The following GSE1 variants were observed in gnomAD, a reference collection of about 807,000 sequenced individuals.
GSE1 encodes Gse1 coiled-coil protein.
In GSE1, 32 loss-of-function variants were observed where a neutral mutation model predicts 112.6. That is an observed-to-expected ratio of 0.28 (90% CI 0.21 to 0.38). GSE1 has a LOEUF of 0.38. Among genes scored for constraint, GSE1 ranks in the 10% least tolerant of loss-of-function variants. The pLI, the probability that GSE1 is intolerant of heterozygous loss-of-function variation, is 1.00. For synonymous variants in GSE1, 1,115 were observed against 735.6 expected (o/e 1.52, Z -8.35); for missense variants, 2,348 against 1,699.2 (o/e 1.38, Z -6.71).
chr16:85,543,210 C>CAAA (rs527634392), intron 2 of GSE1, among the ~76,000 whole-genome samples: 5 of 68,664 alleles, frequency 7.3e-5, no homozygotes, highest in Admixed American at 2.9e-4. Flanking sequence ...GACTCCATCT[C>CAAA]AAAAAAAAAA....
intron 1 of GSE1, among the ~76,000 whole-genome samples, chr16:85,315,929 A>AGG (rs112792930): frequency 2.0e-5 from 3 of 151,558 alleles, no homozygotes; most frequent in African/African-American, 7.3e-5. Flanking sequence ...CCCTAGTGGG[A>AGG]GGGGGGGTGA....
At chr16:85,556,914 A>G (rs1293216460) in intron 1 of GSE1, among the ~76,000 whole-genome samples, 1 of 151,410 alleles carries the variant, frequency 6.6e-6, no homozygotes, top group African/African-American at 2.4e-5. Context: ...GGGGCCGGGG[A>G]AGCTCAGGAG....
rs2053427649 is a variant in GSE1, at chr16:85,672,423, CAG to C, written c.3540_3541del (p.Lys1181AspfsTer28). On this transcript the variant is annotated frameshift_variant, in exon 16 of 16. Coordinates refer to ENST00000253458, the MANE Select transcript of GSE1 (RefSeq NM_014615.5). LOFTEE classifies it high-confidence loss of function. The part of the protein sequence containing the change: ...HSVAELRSQK[Q>X]KMVSERERLQ... ...TCTCCAGGAGTTGAGGAGCCAGAAACAGAAGATGGTCTCAGAAAGGGAGCGGC... is the reference window on the plus strand; with the variant it reads ...TCTCCAGGAGTTGAGGAGCCAGAAACAAGATGGTCTCAGAAAGGGAGCGGC... The C allele has an allele frequency of 6.2e-7, 1 of 1,611,958 alleles. No individual in the cohort carries two copies. Among genetic ancestry groups the C allele is most frequent in the African/African-American group, 1.3e-5 (1 of 74,870 alleles).
chr16:85,410,979 G>A (rs2048517296), intron 2 of GSE1, among the ~76,000 whole-genome samples: 3 of 79,844 alleles, frequency 3.8e-5, no homozygotes, highest in Non-Finnish European at 6.8e-5. Context: ...TTACACTCAG[G>A]GCCCCCCGGA....
At chr16:85,246,491 A>C (rs1289393121) in intron 1 of GSE1, among the ~76,000 whole-genome samples, 4 of 31,044 alleles carry the variant, frequency 1.3e-4, no homozygotes, top group Non-Finnish European at 2.1e-4. Context: ...ACACACACAC[A>C]CTCTACACAC....
At chr16:85,515,541 C>G (rs893244619) in intron 2 of GSE1, among the ~76,000 whole-genome samples, 3 of 151,816 alleles carry the variant, frequency 2.0e-5, no homozygotes, top group African/African-American at 7.3e-5. Flanking sequence ...AGAGGCTGGT[C>G]TTAGCCTGGC....
chr16:85,371,741 C>G lies in GSE1; in HGVS notation c.2464+14098C>G, dbSNP rs76476359. On this transcript the variant is annotated intron_variant, in intron 2 of 2. Transcript: ENST00000637419. Reference sequence around the variant, plus strand: ...GGGTGCCTCCCATCCTCCCAGCTCACTGGGCCCCTGGGTACTAGGTGGCCC... The same window carrying G: ...GGGTGCCTCCCATCCTCCCAGCTCAGTGGGCCCCTGGGTACTAGGTGGCCC... 1.7e-3 allele frequency among the ~76,000 whole-genome samples: 257 copies of G among 152,346 alleles called. 1 individual carries two copies. Among genetic ancestry groups the G allele is most frequent in the African/African-American group, 5.8e-3 (243 of 41,594 alleles).
intron 1 of GSE1, among the ~76,000 whole-genome samples, chr16:85,209,634 A>G (rs1258354228): frequency 6.6e-6 from 1 of 152,220 alleles, no homozygotes; most frequent in Non-Finnish European, 1.5e-5. Flanking sequence ...ACGCAAGGCC[A>G]GGAGGTGTTC....
At chr16:85,561,362 A>G (rs897833577) in intron 1 of GSE1, among the ~76,000 whole-genome samples, 1 of 152,036 alleles carries the variant, frequency 6.6e-6, no homozygotes, top group Non-Finnish European at 1.5e-5. Flanking sequence ...TGCTTCATAA[A>G]TATTTGTTGA....
At chr16:85,594,324 A>G (rs74031869) in intron 1 of GSE1, 9,908 of 149,952 alleles carry the variant, frequency 0.066, 1,077 homozygotes, top group African/African-American at 0.23. Context: ...TCTGCTCTCC[A>G]CCGAAGCCTC....
intron 1 of GSE1, among the ~76,000 whole-genome samples, chr16:85,628,106 G>A (rs574342300): frequency 4.3e-4 from 65 of 152,346 alleles, no homozygotes; most frequent in Middle Eastern, 3.4e-3. Flanking sequence ...CAAGGATCTC[G>A]GGGTTCCCCG....
At chr16:85,488,321 A>G (rs1477733047) in intron 2 of GSE1, among the ~76,000 whole-genome samples, 2 of 151,948 alleles carry the variant, frequency 1.3e-5, no homozygotes, top group African/African-American at 4.8e-5. Context: ...TTAAGCTCCT[A>G]TTGTGTGCTT....
intron 2 of GSE1, among the ~76,000 whole-genome samples, chr16:85,455,463 A>G (rs751827): frequency 0.72 from 108,977 of 152,078 alleles, 39,605 homozygotes; most frequent in African/African-American, 0.85. Context: ...GCTGGGGATG[A>G]AGCTGGGGTG....
chr16:85,183,857 TG>T (rs2074645924), intron 1 of GSE1, among the ~76,000 whole-genome samples: 1 of 152,226 alleles, frequency 6.6e-6, no homozygotes, highest in South Asian at 2.1e-4. Context: ...ACCCAAAGTC[TG>T]GCTCTCAGAT....
At chr16:85,427,475 C>G (rs1280244893) in intron 2 of GSE1, among the ~76,000 whole-genome samples, 1 of 152,180 alleles carries the variant, frequency 6.6e-6, no homozygotes, top group Non-Finnish European at 1.5e-5. Flanking sequence ...AACCCCGTCT[C>G]TAGTAAAAAT....
intron 2 of GSE1, among the ~76,000 whole-genome samples, chr16:85,384,669 C>T (rs552748171): frequency 6.6e-6 from 1 of 152,184 alleles, no homozygotes; most frequent in Non-Finnish European, 1.5e-5. Flanking sequence ...CACGGCCAGG[C>T]GTGTGGGTGG....
rs115537211 is a variant in GSE1 at position 85,629,422 on chromosome 16, C to T, written c.8-4492C>T. Among the ~76,000 whole-genome samples, 928 of 152,328 alleles carry T rather than the reference C, an allele frequency of 6.1e-3. 9 individuals are homozygous for T. Among genetic ancestry groups the T allele is most frequent in the African/African-American group, 0.021 (886 of 41,570 alleles). ...GGTGAAATGACCATACGGTGCCCCA[C>T]GTTCCCCTTTTGCGGTAGCATGTGG... On this transcript the variant is annotated intron_variant, in intron 1 of 15. Transcript: ENST00000253458.
Position 85,657,378 on chromosome 16 carries a change from C to T in GSE1, c.1414C>T (p.His472Tyr), listed in dbSNP as rs372524575. The T allele has an allele frequency of 6.2e-6, 10 of 1,612,582 alleles. No homozygotes were observed. In the African/African-American group the frequency reaches 9.3e-5, roughly 15 times the overall value. The change falls in exon 8 of 16, where the codon CAT becomes TAT. Residue 472 changes from histidine to tyrosine, a missense_variant. Transcript: ENST00000253458. ...HHTVPSLISN[H>Y]GIFSLPSSSA... ...CACGGTGCCCAGCCTCATCTCCAAC[C>T]ATGGCATCTTCTCTCTGCCTAGCAG...
intron 1 of GSE1, among the ~76,000 whole-genome samples, chr16:85,232,068 C>T (rs1036305577): frequency 6.6e-6 from 1 of 152,212 alleles, no homozygotes; most frequent in East Asian, 1.9e-4. Context: ...AGAGGCGGTG[C>T]TGGGGAGACA....
Sources: allele counts gnomAD v4.1 joint callset (sites outside exome capture counted in the v4.1 genomes callset), GRCh38; gene constraint gnomAD v4.1.1; transcripts MANE v1.5; gene names NCBI Gene and HGNC (gene_info 2026-07-23, HGNC 2026-07-21).